The following PATJ variants were observed in gnomAD, a reference collection of about 807,000 sequenced individuals.
PATJ encodes PATJ crumbs cell polarity complex component.
PATJ carries 190 observed loss-of-function variants against 224.9 expected under a neutral mutation model. The ratio of observed to expected loss-of-function variants is 0.84; its 90% CI spans 0.75 to 0.95. The LOEUF is 0.95. Ranked by LOEUF, PATJ falls within the 40% of genes least tolerant of loss-of-function variation. The probability of loss-of-function intolerance (pLI) is 0.00; values close to 1 mark genes in which losing one functional copy is unlikely to be tolerated. For synonymous variants in PATJ, 769 were observed against 820.3 expected (o/e 0.94, Z 1.07); for missense variants, 2,121 against 2,270.3 (o/e 0.93, Z 1.34).
intron 24 of PATJ, among the ~76,000 whole-genome samples, chr1:61,904,907 C>G (rs1671656049): frequency 6.6e-6 from 1 of 152,130 alleles, no homozygotes; most frequent in Non-Finnish European, 1.5e-5. Flanking sequence ...GAGGTTCATT[C>G]AATTTGTTGT....
Position 62,161,069 on chromosome 1 carries a change from C to T in PATJ, c.*15C>T. 6.9e-7 allele frequency: 1 copy of T among 1,447,272 alleles called. No individual in the cohort carries two copies. The highest frequency in any genetic ancestry group is 1.5e-5 in the South Asian group (1 of 64,698). The allele number at this position is 1,447,272 out of a possible 1,614,324, so 89.7% of individuals were successfully genotyped here. On this transcript the variant is annotated 3_prime_UTR_variant, in exon 44 of 44. Coordinates refer to ENST00000642238, the MANE Select transcript of PATJ (RefSeq NM_001350145.3). The stretch of plus-strand genomic sequence containing the variant: ...TGCTGTCATGAGCCTCGGGCCTGAT[C>T]ACAAGATAGATGTTGTTGTTTAGAA...
intron 27 of PATJ, among the ~76,000 whole-genome samples, chr1:61,929,976 G>C (rs1198304776): frequency 6.6e-6 from 1 of 152,150 alleles, no homozygotes; most frequent in Non-Finnish European, 1.5e-5. Flanking sequence ...ATATGCACAG[G>C]CACATATACA....
chr1:62,146,156 G>A (rs1668017692), intron 41 of PATJ, among the ~76,000 whole-genome samples: 1 of 152,034 alleles, frequency 6.6e-6, no homozygotes, highest in African/African-American at 2.4e-5. Context: ...CCAGGCAGAA[G>A]GCACAGCGGT....
At chr1:62,115,927 A>C (rs964116694) in intron 35 of PATJ, among the ~76,000 whole-genome samples, 1 of 152,094 alleles carries the variant, frequency 6.6e-6, no homozygotes, top group Admixed American at 6.5e-5. Flanking sequence ...ATTACCAAAC[A>C]AAAAAAGCTG....
chr1:61,985,675 AC>A (rs1644716382), intron 27 of PATJ, among the ~76,000 whole-genome samples: 1 of 151,982 alleles, frequency 6.6e-6, no homozygotes, highest in East Asian at 1.9e-4. Context: ...ATTTCTCTGC[AC>A]CTGCAGATGT....
At chr1:61,777,703 C>T (rs7531375) in intron 7 of PATJ, among the ~76,000 whole-genome samples, 12,521 of 48,352 alleles carry the variant, frequency 0.26, 1,471 homozygotes, top group East Asian at 0.44. Flanking sequence ...TTCTTTCTTT[C>T]TTTTTTTTTT....
chr1:61,792,686 C>A (rs1003506988), intron 9 of PATJ, among the ~76,000 whole-genome samples: 4 of 151,956 alleles, frequency 2.6e-5, no homozygotes, highest in African/African-American at 9.7e-5. Context: ...TACACCACCA[C>A]CCCCGGATAA....
chr1:62,001,458 A>T (rs1645766808), intron 28 of PATJ, among the ~76,000 whole-genome samples: 1 of 149,672 alleles, frequency 6.7e-6, no homozygotes. Flanking sequence ...TCCTTTCCCC[A>T]TTGCTTATTT....
chr1:61,842,785 C>A (rs1661324377), intron 17 of PATJ, among the ~76,000 whole-genome samples: 1 of 14,968 alleles, frequency 6.7e-5, no homozygotes, highest in African/African-American at 1.7e-4. Flanking sequence ...GGAATAGGAA[C>A]AGTTAATCGA....
chr1:61,791,230 T>G, intron 8 of PATJ, 118 bp from the exon 9 acceptor site: 1 of 574,478 alleles, frequency 1.7e-6, no homozygotes, highest in Non-Finnish European at 3.1e-6. Context: ...TGGGACCATC[T>G]TAAAATTCTG....
chr1:62,073,286 T>C, intron 31 of PATJ: 1 of 985,338 alleles, frequency 1.0e-6, no homozygotes, highest in Non-Finnish European at 1.2e-6. Context: ...TGCAAATATC[T>C]TGTGTTCACC....
At chr1:62,017,744 A>AG in intron 28 of PATJ, 112 bp from the exon 29 acceptor site, 1 of 576,948 alleles carries the variant, frequency 1.7e-6, no homozygotes, top group East Asian at 3.0e-5. Context: ...AAAAAAAAAA[A>AG]AAAGAAAAGA....
intron 33 of PATJ, among the ~76,000 whole-genome samples, chr1:62,087,308 A>T (rs1168940092): frequency 6.6e-6 from 1 of 151,814 alleles, no homozygotes; most frequent in Non-Finnish European, 1.5e-5. Flanking sequence ...TCTAAAGTCA[A>T]GTTGCTTCTC....
chr1:61,951,330 CTG>C (rs1263990008), intron 27 of PATJ, among the ~76,000 whole-genome samples: 14 of 152,166 alleles, frequency 9.2e-5, no homozygotes, highest in Admixed American at 3.9e-4. Context: ...TTTATTATAA[CTG>C]TAAATTAAAA....
intron 17 of PATJ, among the ~76,000 whole-genome samples, chr1:61,836,138 C>T (rs560785853): frequency 1.7e-4 from 26 of 152,088 alleles, no homozygotes; most frequent in African/African-American, 5.8e-4. Context: ...AAAGGAAAAC[C>T]CCCTTCTGAG....
At chr1:62,003,970 C>T (rs1309642306) in intron 28 of PATJ, among the ~76,000 whole-genome samples, 6 of 152,270 alleles carry the variant, frequency 3.9e-5, no homozygotes, top group Middle Eastern at 6.8e-3. Flanking sequence ...TTCACACCTG[C>T]GTGCCTTTCA....
Position 62,016,630 on chromosome 1 carries a change from T to G in PATJ, c.3868-1226T>G, listed in dbSNP as rs192241664. Reference sequence around the variant, plus strand: ...AGTTTATCAGTGGGAAAATCAGGAATAAAGAAATTTAGAATTTAAATGTTG... The same window carrying G: ...AGTTTATCAGTGGGAAAATCAGGAAGAAAGAAATTTAGAATTTAAATGTTG... On this transcript the variant is annotated intron_variant, in intron 28 of 43. Transcript: ENST00000642238. 2.2e-3 allele frequency among the ~76,000 whole-genome samples: 329 copies of G among 152,322 alleles called. 2 individuals carry two copies. Among genetic ancestry groups the G allele is most frequent in the African/African-American group, 7.5e-3 (311 of 41,578 alleles).
chr1:61,802,849 C>G (rs1227830560), intron 12 of PATJ, among the ~76,000 whole-genome samples: 1 of 152,032 alleles, frequency 6.6e-6, no homozygotes, highest in Non-Finnish European at 1.5e-5. Context: ...GCACACAGTT[C>G]CCTGCACAAA....
intron 28 of PATJ, among the ~76,000 whole-genome samples, chr1:62,015,310 A>G (rs1646710739): frequency 6.6e-6 from 1 of 152,138 alleles, no homozygotes; most frequent in Admixed American, 6.6e-5. Flanking sequence ...TCTCAAAAAA[A>G]AAAAGAAAGA....
Sources: gnomAD v4.1 joint callset for allele counts (sites outside exome capture counted in the v4.1 genomes callset) on GRCh38, gnomAD v4.1.1 for gene constraint, MANE v1.5 for transcripts, NCBI Gene and HGNC (gene_info 2026-07-23, HGNC 2026-07-21) for gene names.